The following RIC1 variants were observed in gnomAD, a reference collection of about 807,000 sequenced individuals.
The protein encoded by RIC1 is RIC1 partner of RAB6A GEF complex.
In RIC1, 88 loss-of-function variants were observed where a neutral mutation model predicts 169.0. The ratio of observed to expected loss-of-function variants is 0.52; its 90% CI spans 0.44 to 0.62. The LOEUF (loss-of-function observed/expected upper bound fraction) is 0.62, where lower values mean the gene tolerates loss of function less well. Among genes scored for constraint, RIC1 ranks in the 20% least tolerant of loss-of-function variants. RIC1 has a pLI of 0.00. For synonymous variants in RIC1, 790 were observed against 601.5 expected, an observed-to-expected ratio of 1.31 and a Z score of -4.59; for missense variants, 1,877 against 1,725.5, an observed-to-expected ratio of 1.09 and a Z score of -1.56.
intron 19 of RIC1, among the ~76,000 whole-genome samples, chr9:5,764,089 TTAA>T (rs1291664087): frequency 7.9e-5 from 12 of 152,160 alleles, no homozygotes; most frequent in African/African-American, 2.2e-4. Context: ...CTAAAACAGA[TTAA>T]TGAGTTCAGA....
At chr9:5,661,003 C>G (rs7030195) in intron 2 of RIC1, among the ~76,000 whole-genome samples, 77,200 of 151,966 alleles carry the variant, frequency 0.51, 20,792 homozygotes, top group African/African-American at 0.69. Flanking sequence ...ATCTTGAGTT[C>G]ATTTTCCTTT....
chr9:5,742,816 AGTATTTCTG>A, intron 8 of RIC1, 44 bp from the exon 9 acceptor site: 9 of 1,479,532 alleles, frequency 6.1e-6, no homozygotes, highest in South Asian at 1.2e-5. Context: ...AAAAAAAACA[AGTATTTCTG>A]AAGCAACTAT....
chr9:5,652,246 G>A (rs1220667910), intron 1 of RIC1, among the ~76,000 whole-genome samples: 1 of 152,166 alleles, frequency 6.6e-6, no homozygotes, highest in African/African-American at 2.4e-5. Context: ...CTGCTGTGAG[G>A]CATATCATTG....
chr9:5,758,186 G>C (rs1826119046), intron 17 of RIC1, among the ~76,000 whole-genome samples: 1 of 152,132 alleles, frequency 6.6e-6, no homozygotes, highest in African/African-American at 2.4e-5. Flanking sequence ...TTAATTATGA[G>C]GAAAGAGAAA....
At chr9:5,691,735 G>C (rs767664801) in intron 3 of RIC1, among the ~76,000 whole-genome samples, 7 of 151,748 alleles carry the variant, frequency 4.6e-5, no homozygotes, top group South Asian at 2.1e-4. Context: ...TTGTTTTATT[G>C]CTTAATTTAG....
intron 2 of RIC1, among the ~76,000 whole-genome samples, chr9:5,666,081 C>G (rs552290917): frequency 6.6e-6 from 1 of 152,144 alleles, no homozygotes; most frequent in African/African-American, 2.4e-5. Context: ...AGGTATACTC[C>G]GTCCTGGGGG....
chr9:5,676,340 G>T (rs566203086), intron 2 of RIC1, among the ~76,000 whole-genome samples: 1 of 152,266 alleles, frequency 6.6e-6, no homozygotes, highest in African/African-American at 2.4e-5. Context: ...TATTGAATAT[G>T]AATTAACGGT....
rs181632796 is a variant in RIC1, at chr9:5,642,148, G to T, written c.144+12695G>T. ...AGGTTTTTGCAGACTCAGAGGTACT[G>T]CCTTGGTGGTCTTGGATAAAATCTG... On this transcript the variant is annotated intron_variant, in intron 1 of 25. Coordinates refer to ENST00000414202, the MANE Select transcript of RIC1 (RefSeq NM_020829.4). Among the ~76,000 whole-genome samples, 119 of 145,396 alleles carry T rather than the reference G, an allele frequency of 8.2e-4. 13 individuals are homozygous for T. The highest frequency in any genetic ancestry group is 1.4e-3 in the Non-Finnish European group (91 of 67,396).
At position 5,689,942 on chromosome 9, in the gene RIC1, TA is replaced by T; in HGVS notation, c.253-13del. Reference sequence around the variant, plus strand: ...GCCTTACTCTTTAATTCATGATTAATAAAATTTCTCTTTCAGACGGCAAATG... The same window carrying T: ...GCCTTACTCTTTAATTCATGATTAATAAATTTCTCTTTCAGACGGCAAATG... On this transcript the variant is annotated splice_polypyrimidine_tract_variant and intron_variant, in intron 2 of 25. Transcript: ENST00000414202. 1 of 1,527,666 alleles carries T rather than the reference TA, an allele frequency of 6.5e-7. No homozygotes were observed. Among genetic ancestry groups the T allele is most frequent in the Non-Finnish European group, 9.0e-7 (1 of 1,113,106 alleles). The allele number at this position is 1,527,666 out of a possible 1,614,324, so 94.6% of individuals were successfully genotyped here. A position where few individuals can be genotyped will look rare whatever the true frequency, so the allele number is the denominator to read the frequency against.
In RIC1 at chr9:5,769,445, A is replaced by G. The variant is rs769657355; in HGVS notation, c.3424+189A>G. 6 of 1,503,688 alleles carry G rather than the reference A, an allele frequency of 4.0e-6. No homozygotes were observed. The Admixed American group carries it at 6.4e-5, about 16-fold the overall frequency. The allele number at this position is 1,503,688 out of a possible 1,614,324, so 93.1% of individuals were successfully genotyped here. On this transcript the variant is annotated intron_variant, in intron 22 of 25. Transcript: ENST00000414202. ...CAAAGATGTAAATAAAGTAGAACCT[A>G]TGTCTCTAAGTCTTGTGACCTTGAA...
intron 1 of RIC1, among the ~76,000 whole-genome samples, chr9:5,633,567 C>T (rs1817825489): frequency 6.6e-6 from 1 of 152,106 alleles, no homozygotes; most frequent in Non-Finnish European, 1.5e-5. Flanking sequence ...CTACTGCTTC[C>T]CCACTACTGC....
intron 2 of RIC1, among the ~76,000 whole-genome samples, chr9:5,659,915 G>A (rs1018864325): frequency 1.3e-5 from 2 of 152,066 alleles, no homozygotes; most frequent in African/African-American, 4.8e-5. Context: ...GTGCTATGGT[G>A]GTTTCCTTGC....
At chr9:5,634,471 A>G (rs755661567) in intron 1 of RIC1, among the ~76,000 whole-genome samples, 7 of 152,126 alleles carry the variant, frequency 4.6e-5, no homozygotes, top group Non-Finnish European at 8.8e-5. Flanking sequence ...CTCCCTGATG[A>G]TTAGTGTATT....
intron 2 of RIC1, among the ~76,000 whole-genome samples, chr9:5,680,112 T>A (rs1287348168): frequency 1.3e-5 from 2 of 152,208 alleles, no homozygotes; most frequent in Non-Finnish European, 2.9e-5. Flanking sequence ...GTGGTTTTTG[T>A]CTTTGGCTCT....
At chr9:5,681,295 A>T (rs1392855966) in intron 2 of RIC1, among the ~76,000 whole-genome samples, 2 of 152,064 alleles carry the variant, frequency 1.3e-5, no homozygotes, top group African/African-American at 4.8e-5. Flanking sequence ...TCTTGTGGGC[A>T]TTTAGTGCTA....
chr9:5,678,938 G>A (rs1820627671), intron 2 of RIC1, among the ~76,000 whole-genome samples: 1 of 150,380 alleles, frequency 6.6e-6, no homozygotes, highest in African/African-American at 2.5e-5. Context: ...GTCCTGAATG[G>A]TATTGCCTAG....
intron 3 of RIC1, among the ~76,000 whole-genome samples, chr9:5,695,686 T>G (rs1203359876): frequency 6.6e-6 from 1 of 151,644 alleles, no homozygotes; most frequent in Non-Finnish European, 1.5e-5. Context: ...GATTCTCATG[T>G]CTCAATCCTG....
At chr9:5,650,428 G>T (rs1346085561) in intron 1 of RIC1, among the ~76,000 whole-genome samples, 1 of 152,036 alleles carries the variant, frequency 6.6e-6, no homozygotes, top group Non-Finnish European at 1.5e-5. Flanking sequence ...AGGCCCCCTG[G>T]TAGAGTGCTC....
At chr9:5,692,193 A>T (rs992592585) in intron 3 of RIC1, among the ~76,000 whole-genome samples, 6 of 152,130 alleles carry the variant, frequency 3.9e-5, no homozygotes, top group African/African-American at 7.2e-5. Flanking sequence ...ATAGTTAAAG[A>T]TACAGGCTTT....
Sources: gnomAD v4.1 joint callset for allele counts (sites outside exome capture counted in the v4.1 genomes callset) on GRCh38, gnomAD v4.1.1 for gene constraint, MANE v1.5 for transcripts, NCBI Gene and HGNC (gene_info 2026-07-23, HGNC 2026-07-21) for gene names.